Variants in AGBL1 observed in about 807,000 individuals in gnomAD.
The protein encoded by AGBL1 is AGBL carboxypeptidase 1.
Under a neutral mutation model 118.9 loss-of-function variants are expected in AGBL1, and 130 were observed. The observed-to-expected ratio is 1.09, with a 90% CI of 0.95 to 1.26. The LOEUF (loss-of-function observed/expected upper bound fraction) is 1.26. Among genes scored for constraint, AGBL1 ranks in the 50% most tolerant of loss-of-function variants. The pLI, the probability that AGBL1 is intolerant of heterozygous loss-of-function variation, is 0.00. For missense variants in AGBL1, 1,584 were observed against 1,298.1 expected, an observed-to-expected ratio of 1.22 and a Z score of -3.38; for synonymous variants, 555 against 478.9, an observed-to-expected ratio of 1.16 and a Z score of -2.08.
At chr15:86,415,741 A>C (rs2081684641) in intron 18 of AGBL1, among the ~76,000 whole-genome samples, 1 of 152,152 alleles carries the variant, frequency 6.6e-6, no homozygotes. Flanking sequence ...TAAATGGATC[A>C]AGTCTTGAAC....
At chr15:86,442,559 T>C (rs912950582) in intron 18 of AGBL1, among the ~76,000 whole-genome samples, 33 of 152,348 alleles carry the variant, frequency 2.2e-4, no homozygotes, top group African/African-American at 7.5e-4. Flanking sequence ...ATTTTAGATC[T>C]GTCATTGTTG....
rs1316658732 is a variant in AGBL1, at chr15:86,154,516, A to T, written c.349A>T (p.Asn117Tyr). 1 of 1,613,186 alleles carries T rather than the reference A, an allele frequency of 6.2e-7. No homozygotes were observed. Among genetic ancestry groups the T allele is most frequent in the Non-Finnish European group, 8.5e-7 (1 of 1,179,564 alleles). Residue 117 changes from asparagine to tyrosine, a missense_variant, in exon 4 of 23, where the codon AAT becomes TAT. Coordinates refer to ENST00000614907, the MANE Select transcript of AGBL1 (RefSeq NM_001386094.1). ...CAGGAAGAACCTATCCCATGGCCAG[A>T]ATCTCCTCCACTGTCTCTGGGCTCT... Reference protein sequence around the residue: ...LARKNLSHGQNLLHCLWALRV... With the variant: ...LARKNLSHGQYLLHCLWALRV...
intron 7 of AGBL1, among the ~76,000 whole-genome samples, chr15:86,248,144 C>T (rs1276715479): frequency 6.6e-6 from 1 of 152,090 alleles, no homozygotes; most frequent in Non-Finnish European, 1.5e-5. Context: ...TGGTGAAACC[C>T]CGTGTTTATT....
At chr15:86,582,381 T>A (rs2142333881) in intron 21 of AGBL1, among the ~76,000 whole-genome samples, 1 of 152,186 alleles carries the variant, frequency 6.6e-6, no homozygotes, top group South Asian at 2.1e-4. Flanking sequence ...ATTCCTGAAG[T>A]TTAAAAGTTA....
intron 17 of AGBL1, among the ~76,000 whole-genome samples, chr15:86,380,446 C>T (rs547703259): frequency 2.0e-5 from 3 of 151,310 alleles, no homozygotes; most frequent in Admixed American, 6.6e-5. Context: ...CACCTGAGCC[C>T]GGCCCTTTCC....
At chr15:86,792,583 A>G (rs1037696480) in intron 22 of AGBL1, among the ~76,000 whole-genome samples, 1 of 152,132 alleles carries the variant, frequency 6.6e-6, no homozygotes, top group Non-Finnish European at 1.5e-5. Flanking sequence ...AGACTTTGAA[A>G]TCATTACCCA....
intron 23 of AGBL1, among the ~76,000 whole-genome samples, chr15:86,975,563 T>C (rs2081168252): frequency 6.6e-6 from 1 of 152,124 alleles, no homozygotes; most frequent in Non-Finnish European, 1.5e-5. Context: ...CTAAAGACCC[T>C]GTCTCCAAAA....
At chr15:87,010,132 C>T (rs1187824501) in intron 24 of AGBL1, among the ~76,000 whole-genome samples, 1 of 152,114 alleles carries the variant, frequency 6.6e-6, no homozygotes, top group Non-Finnish European at 1.5e-5. Flanking sequence ...ACCCAAATCT[C>T]ATCATGAATT....
intron 18 of AGBL1, among the ~76,000 whole-genome samples, chr15:86,413,789 A>G (rs1354318136): frequency 6.6e-6 from 1 of 151,966 alleles, no homozygotes; most frequent in Non-Finnish European, 1.5e-5. Context: ...TTTCGGATGG[A>G]TAGTTTGCAA....
intron 9 of AGBL1, among the ~76,000 whole-genome samples, chr15:86,261,877 A>T (rs762771622): frequency 3.3e-5 from 5 of 152,132 alleles, no homozygotes; most frequent in African/African-American, 1.2e-4. Flanking sequence ...AAATGTACAA[A>T]GGGATAAAGA....
chr15:86,524,776 A>C (rs1455679661), intron 19 of AGBL1, among the ~76,000 whole-genome samples: 1 of 152,158 alleles, frequency 6.6e-6, no homozygotes, highest in African/African-American at 2.4e-5. Context: ...CATTCAAGGG[A>C]CAGATCTTAT....
chr15:86,563,050 C>A lies in AGBL1; in HGVS notation c.2994+8513C>A, dbSNP rs2083852041. ...CTTCTCTCTTTTTTTCTTTATTAGT[C>A]TTGCTAGCAGTCTATCAATTTTGTT... On this transcript the variant is annotated intron_variant, in intron 21 of 22. Coordinates refer to ENST00000614907, the MANE Select transcript of AGBL1 (RefSeq NM_001386094.1). Among the ~76,000 whole-genome samples the A allele has an allele frequency of 2.0e-5, 3 of 152,136 alleles. No homozygotes were observed. The South Asian group carries it at 6.2e-4, about 32-fold the overall frequency.
intron 1 of AGBL1, among the ~76,000 whole-genome samples, chr15:86,139,418 CT>C (rs1223383615): frequency 3.3e-5 from 5 of 152,192 alleles, no homozygotes; most frequent in Admixed American, 3.3e-4. Flanking sequence ...GGAGTTCGTT[CT>C]TGTCAGTCAG....
At chr15:86,397,569 C>G in intron 18 of AGBL1, 23 bp downstream of exon 18, 1 of 1,583,214 alleles carries the variant, frequency 6.3e-7, no homozygotes, top group African/African-American at 1.3e-5. Flanking sequence ...CCTGGCTCAG[C>G]CAAACCCACA....
chr15:86,772,312 A>T (rs1376172204), intron 22 of AGBL1, among the ~76,000 whole-genome samples: 1 of 152,040 alleles, frequency 6.6e-6, no homozygotes, highest in African/African-American at 2.4e-5. Flanking sequence ...TGAGCATATT[A>T]CCCAAGCAGC....
chr15:86,805,320 G>A (rs187222597), intron 22 of AGBL1, among the ~76,000 whole-genome samples: 7 of 152,100 alleles, frequency 4.6e-5, no homozygotes, highest in Non-Finnish European at 2.9e-5. Context: ...TGGTGCAAAA[G>A]TCTCCTCTGT....
At chr15:86,681,062 G>T (rs1002049997) in intron 22 of AGBL1, among the ~76,000 whole-genome samples, 1 of 151,988 alleles carries the variant, frequency 6.6e-6, no homozygotes, top group Admixed American at 6.6e-5. Flanking sequence ...CAATTATAAA[G>T]GATCAGTGAT....
At chr15:86,499,729 A>T (rs1278760663) in intron 18 of AGBL1, among the ~76,000 whole-genome samples, 1 of 151,930 alleles carries the variant, frequency 6.6e-6, no homozygotes, top group Non-Finnish European at 1.5e-5. Flanking sequence ...AAATGCATTA[A>T]AGGAAACTAA....
chr15:86,650,385 A>G (rs2085349754), intron 21 of AGBL1, among the ~76,000 whole-genome samples: 1 of 152,174 alleles, frequency 6.6e-6, no homozygotes, highest in African/African-American at 2.4e-5. Context: ...ATAAGGTATA[A>G]GGAATCTATG....
Sources: allele counts gnomAD v4.1 joint callset (sites outside exome capture counted in the v4.1 genomes callset), GRCh38; gene constraint gnomAD v4.1.1; transcripts MANE v1.5; gene names NCBI Gene and HGNC (gene_info 2026-07-23, HGNC 2026-07-21).